The following FAM13A variants were observed in gnomAD, a reference collection of about 807,000 sequenced individuals.
FAM13A encodes the protein protein FAM13A.
Under a neutral mutation model 129.6 loss-of-function variants are expected in FAM13A, and 76 were observed. That is an observed-to-expected ratio of 0.59 (90% CI 0.49 to 0.71). FAM13A has a LOEUF of 0.71. Among genes scored for constraint, FAM13A ranks in the 30% least tolerant of loss-of-function variants. The pLI is 0.00. For synonymous variants in FAM13A, 443 were observed against 449.9 expected (o/e 0.98, Z 0.20); for missense variants, 1,108 against 1,249.3 (o/e 0.89, Z 1.70).
At chr4:88,886,447 G>C (rs1179689138) in intron 6 of FAM13A, among the ~76,000 whole-genome samples, 1 of 151,826 alleles carries the variant, frequency 6.6e-6, no homozygotes, top group Non-Finnish European at 1.5e-5. Context: ...AATTAGCCAG[G>C]CGTGGTGGCA....
chr4:89,039,444 T>C (rs901758217), intron 1 of FAM13A, among the ~76,000 whole-genome samples: 3 of 152,200 alleles, frequency 2.0e-5, no homozygotes, highest in Non-Finnish European at 2.9e-5. Context: ...AATGTATCAA[T>C]ATTGGCTCAT....
At chr4:88,772,531 G>A (rs1245107587) in intron 11 of FAM13A, among the ~76,000 whole-genome samples, 1 of 152,130 alleles carries the variant, frequency 6.6e-6, no homozygotes, top group African/African-American at 2.4e-5. Context: ...TGATATATGT[G>A]GCTTCCAGAC....
At chr4:88,923,283 C>T (rs568095905) in intron 5 of FAM13A, among the ~76,000 whole-genome samples, 76 of 152,314 alleles carry the variant, frequency 5.0e-4, no homozygotes, top group African/African-American at 1.8e-3. Context: ...CCTTGATGAA[C>T]ATCAATGCAA....
intron 1 of FAM13A, 40 bp from the exon 2 acceptor site, chr4:89,029,689 T>C: frequency 6.5e-7 from 1 of 1,539,764 alleles, no homozygotes. Flanking sequence ...CAGTCATATT[T>C]ACCACAGGAG....
chr4:88,944,659 T>C (rs1755360456), intron 4 of FAM13A, among the ~76,000 whole-genome samples: 1 of 152,266 alleles, frequency 6.6e-6, no homozygotes, highest in East Asian at 1.9e-4. Flanking sequence ...CCCAGCACTT[T>C]GGGAGGCCGA....
intron 11 of FAM13A, among the ~76,000 whole-genome samples, chr4:88,770,569 AGAAAT>A (rs1720472932): frequency 6.0e-5 from 2 of 33,394 alleles, no homozygotes; most frequent in South Asian, 7.0e-4. Flanking sequence ...AAAAGAAAAA[AGAAAT>A]AAAATAAAAA....
At chr4:88,915,771 G>A (rs528205238) in intron 5 of FAM13A, among the ~76,000 whole-genome samples, 1 of 152,242 alleles carries the variant, frequency 6.6e-6, no homozygotes, top group African/African-American at 2.4e-5. Context: ...CAGTGATTGG[G>A]TTTTAAGAGC....
At chr4:88,872,327 C>A (rs969007478) in intron 6 of FAM13A, among the ~76,000 whole-genome samples, 1 of 152,064 alleles carries the variant, frequency 6.6e-6, no homozygotes, top group Admixed American at 6.6e-5. Context: ...GCTAAATGCC[C>A]CAATTAAAAG....
chr4:88,985,496 C>T (rs72665855), intron 4 of FAM13A, among the ~76,000 whole-genome samples: 19,472 of 152,138 alleles, frequency 0.13, 1,456 homozygotes, highest in Non-Finnish European at 0.17. Flanking sequence ...AAAAAATCCA[C>T]ACTGGGATAT....
chr4:88,976,340 C>T (rs1760899510), intron 4 of FAM13A, among the ~76,000 whole-genome samples: 1 of 152,090 alleles, frequency 6.6e-6, no homozygotes, highest in African/African-American at 2.4e-5. Flanking sequence ...GAATAAGAAA[C>T]CTTTGACTCT....
intron 1 of FAM13A, among the ~76,000 whole-genome samples, chr4:89,040,124 C>G (rs916337535): frequency 2.0e-5 from 3 of 152,012 alleles, no homozygotes; most frequent in African/African-American, 7.2e-5. Flanking sequence ...ATTCCTTATC[C>G]TTATGAGGTG....
At chr4:88,993,157 A>G (rs558536556) in intron 3 of FAM13A, among the ~76,000 whole-genome samples, 2 of 152,186 alleles carry the variant, frequency 1.3e-5, no homozygotes, top group South Asian at 2.1e-4. Context: ...GTTGTTTATA[A>G]TATTTTCCAC....
intron 5 of FAM13A, among the ~76,000 whole-genome samples, chr4:88,921,937 A>C (rs575190342): frequency 1.9e-4 from 29 of 152,194 alleles, no homozygotes; most frequent in African/African-American, 7.0e-4. Flanking sequence ...ACCAACAAAG[A>C]TCAAAAGAGA....
chr4:88,728,771 G>T, intron 23 of FAM13A, 112 bp from the exon 24 acceptor site: 1 of 1,296,452 alleles, frequency 7.7e-7, no homozygotes, highest in Non-Finnish European at 1.1e-6. Context: ...TCAACTTGTA[G>T]AATCAGTGTT....
chr4:88,908,327 T>C (rs1748497263), intron 5 of FAM13A, among the ~76,000 whole-genome samples: 1 of 152,240 alleles, frequency 6.6e-6, no homozygotes, highest in South Asian at 2.1e-4. Context: ...TTGACTATGC[T>C]TGGATAACAC....
intron 14 of FAM13A, among the ~76,000 whole-genome samples, chr4:88,754,921 C>A (rs1433062093): frequency 6.6e-6 from 1 of 151,964 alleles, no homozygotes; most frequent in Non-Finnish European, 1.5e-5. Context: ...AGAATACCCC[C>A]ATTTGAGCTG....
chr4:88,875,666 A>G (rs1742287599), intron 6 of FAM13A, among the ~76,000 whole-genome samples: 1 of 152,218 alleles, frequency 6.6e-6, no homozygotes. Context: ...AATGTGGAGA[A>G]ATAGGAACAC....
At chr4:88,822,975 C>T in intron 7 of FAM13A, 2 of 1,612,892 alleles carry the variant, frequency 1.2e-6, no homozygotes, top group Non-Finnish European at 1.7e-6. Context: ...GAAAATACTA[C>T]CTTTGCAGAG....
At chr4:88,976,118 C>A (rs1026037393) in intron 4 of FAM13A, among the ~76,000 whole-genome samples, 4 of 152,124 alleles carry the variant, frequency 2.6e-5, no homozygotes, top group Non-Finnish European at 4.4e-5. Context: ...AGAAAACATG[C>A]GGTTTCATTT....
Sources: allele counts gnomAD v4.1 joint callset (sites outside exome capture counted in the v4.1 genomes callset), GRCh38; gene constraint gnomAD v4.1.1; transcripts MANE v1.5; gene names NCBI Gene and HGNC (gene_info 2026-07-23, HGNC 2026-07-21).